Variants in C3orf33 observed in about 807,000 individuals in gnomAD.
C3orf33 encodes the protein AP-1 activity suppressor.
C3orf33 carries 23 observed loss-of-function variants against 28.7 expected under a neutral mutation model. The observed-to-expected ratio is 0.80, with a 90% confidence interval of 0.58 to 1.13. C3orf33 has a LOEUF of 1.13. Among genes scored for constraint, C3orf33 ranks in the 50% most tolerant of loss-of-function variants. The pLI, the probability that C3orf33 is intolerant of heterozygous loss-of-function variation, is 0.00. For synonymous variants in C3orf33, 119 were observed against 120.5 expected (o/e 0.99, Z 0.08); for missense variants, 327 against 353.4 (o/e 0.93, Z 0.60).
At chr3:155,779,496 T>C (rs1308658670) in intron 2 of C3orf33, among the ~76,000 whole-genome samples, 1 of 152,200 alleles carries the variant, frequency 6.6e-6, no homozygotes, top group East Asian at 1.9e-4. Context: ...GGTTTCGCCA[T>C]GTTGGCCAGG....
At position 155,806,267 on chromosome 3, in the gene C3orf33, G is replaced by T. The variant is rs993346836; in HGVS notation, c.-15C>A. The T allele has an allele frequency of 4.4e-5, 64 of 1,463,094 alleles. No individual in the cohort carries two copies. In the Admixed American group the frequency reaches 1.3e-3, roughly 30 times the overall value. The allele number at this position is 1,463,094 out of a possible 1,614,324, so 90.6% of individuals were successfully genotyped here. A position where few individuals can be genotyped will look rare whatever the true frequency, so the allele number is the denominator to read the frequency against. On this transcript the variant is annotated 5_prime_UTR_variant, in exon 1 of 5. Transcript: ENST00000340171. ...TGCCCCGCCATGTTCCCGGCCTCCT[G>T]CGAGCGGCCCTGAGCTCCTCCGGCT... is the stretch of plus-strand genomic sequence containing the variant.
intron 2 of C3orf33, among the ~76,000 whole-genome samples, chr3:155,800,634 A>T: frequency 6.8e-6 from 1 of 146,948 alleles, no homozygotes. Context: ...AAAAAAAAAA[A>T]AAAAAAAGGC....
intron 2 of C3orf33, among the ~76,000 whole-genome samples, chr3:155,784,538 G>A (rs1263852806): frequency 6.6e-6 from 1 of 151,772 alleles, no homozygotes; most frequent in Non-Finnish European, 1.5e-5. Context: ...CCAGGAGTTC[G>A]AGACCAGCCT....
At chr3:155,781,407 T>A (rs1750919184) in intron 2 of C3orf33, among the ~76,000 whole-genome samples, 1 of 152,196 alleles carries the variant, frequency 6.6e-6, no homozygotes, top group Admixed American at 6.5e-5. Flanking sequence ...AATCACTTAA[T>A]GTTTCAATGT....
chr3:155,805,993 A>C, intron 1 of C3orf33, 146 bp downstream of exon 1: 4 of 537,480 alleles, frequency 7.4e-6, no homozygotes, highest in Non-Finnish European at 6.2e-6. Context: ...GACACTCGCG[A>C]TGTCGCCCTC....
At chr3:155,769,424 G>A (rs115284180) in intron 3 of C3orf33, among the ~76,000 whole-genome samples, 2 of 149,486 alleles carry the variant, frequency 1.3e-5, no homozygotes, top group African/African-American at 5.0e-5. Flanking sequence ...GGAGGCAGAA[G>A]CTGAAGTGAG....
intron 2 of C3orf33, among the ~76,000 whole-genome samples, chr3:155,793,809 C>CAAAAAAAAAA (rs1176317323): frequency 2.7e-5 from 1 of 37,454 alleles, no homozygotes; most frequent in African/African-American, 7.2e-5. Flanking sequence ...GACTCTGACT[C>CAAAAAAAAAA]AAAAAAAAAA....
At position 155,767,635 on chromosome 3, in the gene C3orf33, A is replaced by G. The variant is rs1750452865; in HGVS notation, c.357T>C (p.Ala119=). The change falls in exon 4 of 5, where the codon GCT becomes GCC. Residue 119 remains alanine (A), a synonymous_variant. Transcript: ENST00000340171. ...EPRGALLVKL[A]GVELAETGKA... is the part of the protein sequence containing the mutation. ...TCCCAGTTTCAGCGAGTTCTACTCC[A>G]GCCAACTTAACCAGCAAAGCACCAC... The G allele has an allele frequency of 1.9e-6, 3 of 1,579,444 alleles. No homozygotes were observed. Among genetic ancestry groups the G allele is most frequent in the Non-Finnish European group, 2.6e-6 (3 of 1,159,068 alleles).
At chr3:155,781,402 C>T (rs1296935891) in intron 2 of C3orf33, among the ~76,000 whole-genome samples, 1 of 152,138 alleles carries the variant, frequency 6.6e-6, no homozygotes, top group African/African-American at 2.4e-5. Context: ...GTTTTAATCA[C>T]TTAATGTTTC....
At chr3:155,804,693 A>G (rs973923643) in intron 1 of C3orf33, among the ~76,000 whole-genome samples, 1 of 152,078 alleles carries the variant, frequency 6.6e-6, no homozygotes, top group African/African-American at 2.4e-5. Context: ...TACTCCCCAG[A>G]TTCTCAATGT....
intron 2 of C3orf33, among the ~76,000 whole-genome samples, chr3:155,784,193 G>C (rs1751030687): frequency 6.6e-6 from 1 of 152,010 alleles, no homozygotes; most frequent in Non-Finnish European, 1.5e-5. Flanking sequence ...GCCTCCCAAA[G>C]TGCTGGGATT....
At chr3:155,805,333 A>C (rs1009010515) in intron 1 of C3orf33, among the ~76,000 whole-genome samples, 1 of 60,014 alleles carries the variant, frequency 1.7e-5, no homozygotes, top group Non-Finnish European at 4.0e-5. Flanking sequence ...TGTGGTGACA[A>C]GTGCCTGTAG....
chr3:155,802,773 T>A (rs1751687399), intron 1 of C3orf33, among the ~76,000 whole-genome samples, 182 bp from the exon 2 acceptor site: 1 of 152,154 alleles, frequency 6.6e-6, no homozygotes, highest in East Asian at 1.9e-4. Context: ...TATGATGAAT[T>A]CTTTTAACTT....
At chr3:155,786,958 C>T (rs1245020592) in intron 2 of C3orf33, among the ~76,000 whole-genome samples, 1 of 152,168 alleles carries the variant, frequency 6.6e-6, no homozygotes, top group East Asian at 1.9e-4. Flanking sequence ...CAAAAGGAAG[C>T]CCTGGATCTG....
chr3:155,787,138 C>T (rs1341433459), intron 2 of C3orf33, among the ~76,000 whole-genome samples: 1 of 152,104 alleles, frequency 6.6e-6, no homozygotes, highest in African/African-American at 2.4e-5. Context: ...AACTATAGAC[C>T]AGTATCTGTC....
chr3:155,806,070 A>G, intron 1 of C3orf33, 69 bp downstream of exon 1: 1 of 1,117,348 alleles, frequency 8.9e-7, no homozygotes, highest in Non-Finnish European at 1.2e-6. Context: ...CTGAGGCCTC[A>G]CGTTGTTCTC....
At chr3:155,797,991 A>C (rs1004130049) in intron 2 of C3orf33, among the ~76,000 whole-genome samples, 1 of 151,958 alleles carries the variant, frequency 6.6e-6, no homozygotes, top group Non-Finnish European at 1.5e-5. Context: ...GAATTGCTTG[A>C]ACCTAGGAGG....
intron 2 of C3orf33, among the ~76,000 whole-genome samples, chr3:155,792,355 G>A (rs1751340768): frequency 6.6e-6 from 1 of 152,142 alleles, no homozygotes. Context: ...AATCCTTCCA[G>A]AGAAGGACAG....
intron 3 of C3orf33, among the ~76,000 whole-genome samples, chr3:155,771,008 GCTC>G (rs1559988895): frequency 1.5e-4 from 14 of 95,090 alleles, no homozygotes; most frequent in South Asian, 1.2e-3. Context: ...ACATAGTTTT[GCTC>G]TGCCACTGTG....
Sources: allele counts gnomAD v4.1 joint callset (sites outside exome capture counted in the v4.1 genomes callset), GRCh38; gene constraint gnomAD v4.1.1; transcripts MANE v1.5; gene names NCBI Gene and HGNC (gene_info 2026-07-23, HGNC 2026-07-21).